Variants in NAPB observed in about 807,000 individuals in gnomAD.
NAPB encodes NSF attachment protein beta, also known as beta-soluble NSF attachment protein.
NAPB carries 26 observed loss-of-function variants against 44.7 expected under a neutral mutation model. That is an observed-to-expected ratio of 0.58 (90% CI 0.43 to 0.81). NAPB has a LOEUF of 0.81. Ranked by LOEUF, NAPB falls within the 30% of genes least tolerant of loss-of-function variation. The probability of loss-of-function intolerance (pLI) is 0.00; values close to 1 mark genes in which losing one functional copy is unlikely to be tolerated. For missense variants in NAPB, 315 were observed against 356.4 expected (o/e 0.88, Z 0.94); for synonymous variants, 120 against 116.8 (o/e 1.03, Z -0.18).
chr20:23,416,377 G>A (rs1986006465), intron 1 of NAPB, among the ~76,000 whole-genome samples: 2 of 152,060 alleles, frequency 1.3e-5, no homozygotes, highest in South Asian at 4.1e-4. Context: ...TTATAATAAA[G>A]TTATATAGCT....
At chr20:23,394,293 A>C (rs1185757278) in intron 5 of NAPB, among the ~76,000 whole-genome samples, 2 of 152,156 alleles carry the variant, frequency 1.3e-5, no homozygotes, top group African/African-American at 4.8e-5. Flanking sequence ...CAAGGTAGTG[A>C]GTTGTGCCAA....
At chr20:23,394,789 G>C (rs1984229976) in intron 5 of NAPB, 133 bp downstream of exon 5, 1 of 775,352 alleles carries the variant, frequency 1.3e-6, no homozygotes. Flanking sequence ...AGTAGACTTT[G>C]CCAGAAAGTC....
chr20:23,411,154 A>G (rs1985628090), intron 1 of NAPB, among the ~76,000 whole-genome samples: 1 of 152,208 alleles, frequency 6.6e-6, no homozygotes, highest in African/African-American at 2.4e-5. Flanking sequence ...CATTTTCACA[A>G]TCTGAGAAAA....
Position 23,421,458 on chromosome 20 carries a change from C to T in NAPB, c.-56G>A. Reference sequence around the variant, plus strand: ...AGCCGGCTCGCTGTGCGCCCAGGCGCCTTAACCCTCCCTCTGGCGGCCGCA... The same window carrying T: ...AGCCGGCTCGCTGTGCGCCCAGGCGTCTTAACCCTCCCTCTGGCGGCCGCA... On this transcript the variant is annotated 5_prime_UTR_variant, in exon 1 of 11. Coordinates refer to ENST00000377026, the MANE Select transcript of NAPB (RefSeq NM_022080.3). 8 of 1,472,566 alleles carry T rather than the reference C, an allele frequency of 5.4e-6. No homozygotes were observed. In the South Asian group the frequency reaches 7.5e-5, roughly 14 times the overall value. 91.2% of individuals were successfully genotyped at this position (1,472,566 alleles called of 1,614,324 possible). A position where few individuals can be genotyped will look rare whatever the true frequency, so the allele number is the denominator to read the frequency against.
intron 1 of NAPB, among the ~76,000 whole-genome samples, chr20:23,407,866 T>C (rs1985362261): frequency 6.6e-6 from 1 of 152,212 alleles, no homozygotes; most frequent in Admixed American, 6.5e-5. Context: ...AAAATCTTGA[T>C]TTCCCCCATC....
chr20:23,384,114 T>C lies in NAPB; in HGVS notation c.562-2797A>G, dbSNP rs148355283. On this transcript the variant is annotated intron_variant, in intron 7 of 10. Transcript: ENST00000377026. ...TTGAAAATACAGTATTCTTAGGAAT[T>C]CAACACCCATATAAATGAAAGGCAG... Among the ~76,000 whole-genome samples, 10 of 152,352 alleles carry C rather than the reference T, an allele frequency of 6.6e-5. No homozygotes were observed. In the East Asian group the frequency reaches 1.9e-3, roughly 29 times the overall value.
intron 2 of NAPB, among the ~76,000 whole-genome samples, chr20:23,401,927 A>G (rs1338865904): frequency 6.6e-6 from 1 of 152,206 alleles, no homozygotes; most frequent in Non-Finnish European, 1.5e-5. Flanking sequence ...TAAATAAGTA[A>G]GTAAGTGATC....
chr20:23,390,484 C>A (rs183668742), intron 5 of NAPB, among the ~76,000 whole-genome samples: 28 of 152,352 alleles, frequency 1.8e-4, no homozygotes, highest in Non-Finnish European at 3.2e-4. Context: ...ATGGCATATG[C>A]CCAGCTACAC....
intron 10 of NAPB, among the ~76,000 whole-genome samples, chr20:23,377,728 G>A (rs919762649): frequency 6.6e-5 from 10 of 151,986 alleles, no homozygotes; most frequent in Non-Finnish European, 1.2e-4. Flanking sequence ...GTTTTCAAAC[G>A]TGTAAGAAAA....
At chr20:23,394,170 G>A (rs1464954159) in intron 5 of NAPB, among the ~76,000 whole-genome samples, 1 of 152,174 alleles carries the variant, frequency 6.6e-6, no homozygotes, top group Non-Finnish European at 1.5e-5. Flanking sequence ...ATGCTTAGAA[G>A]GCTCACTCTG....
chr20:23,395,029 A>T (rs1328890014), intron 4 of NAPB, 30 bp from the exon 5 acceptor site: 1 of 1,613,436 alleles, frequency 6.2e-7, no homozygotes, highest in Non-Finnish European at 8.5e-7. Flanking sequence ...ACAGTCACAC[A>T]CCGATTTTAC....
At chr20:23,394,653 T>C (rs1278244057) in intron 5 of NAPB, among the ~76,000 whole-genome samples, 1 of 152,234 alleles carries the variant, frequency 6.6e-6, no homozygotes, top group African/African-American at 2.4e-5. Context: ...AAGGTTCTTT[T>C]GGCAATGCTA....
intron 1 of NAPB, among the ~76,000 whole-genome samples, chr20:23,403,666 A>C (rs1328860764): frequency 2.0e-5 from 3 of 151,900 alleles, no homozygotes; most frequent in African/African-American, 7.3e-5. Context: ...TTACAAACTG[A>C]AGATGTTATT....
chr20:23,377,456 C>T lies in NAPB; in HGVS notation c.817G>A (p.Asp273Asn). ...AGCAACATGGTGGTCAGCCACTGAT[C>T]CAAGCGAGATATTGAGTCAAATTCC... ...VKEFDSISRL[D>N]QWLTTMLLRI... Residue 273 changes from aspartate to asparagine, a missense_variant, in exon 11 of 11, where the codon GAT (aspartate) becomes AAT (asparagine). This residue lies in a region of NAPB where 120 missense variants were observed against 130.5 expected (regional missense o/e 0.92). Coordinates refer to ENST00000377026, the MANE Select transcript of NAPB (RefSeq NM_022080.3). 1 of 1,604,628 alleles carries T rather than the reference C, an allele frequency of 6.2e-7. No individual in the cohort carries two copies.
At chr20:23,378,826 C>CTTTTT (rs202043703) in intron 10 of NAPB, 8 of 95,686 alleles carry the variant, frequency 8.4e-5, no homozygotes, top group African/African-American at 2.5e-4. Flanking sequence ...TTTTTTTTTT[C>CTTTTT]TTTTTTTTTT....
At chr20:23,390,366 A>G in intron 5 of NAPB, 102 bp from the exon 6 acceptor site, 1 of 962,262 alleles carries the variant, frequency 1.0e-6, no homozygotes, top group Non-Finnish European at 1.6e-6. Flanking sequence ...CTACTCTACC[A>G]GCAAACTTTT....
At chr20:23,399,403 G>T (rs140153483) in intron 2 of NAPB, among the ~76,000 whole-genome samples, 2 of 152,172 alleles carry the variant, frequency 1.3e-5, no homozygotes, top group Non-Finnish European at 2.9e-5. Context: ...CTTCCACCAC[G>T]TGAGGACATA....
At chr20:23,407,567 C>T (rs1364056417) in intron 1 of NAPB, among the ~76,000 whole-genome samples, 1 of 151,998 alleles carries the variant, frequency 6.6e-6, no homozygotes, top group Non-Finnish European at 1.5e-5. Flanking sequence ...AGGTGAACCA[C>T]CCTTGCATTC....
intron 3 of NAPB, among the ~76,000 whole-genome samples, chr20:23,395,816 T>A (rs915523815): frequency 6.6e-6 from 1 of 152,146 alleles, no homozygotes; most frequent in East Asian, 1.9e-4. Flanking sequence ...AGCCAAAAAA[T>A]TTTCCCTATC....
Sources: gnomAD v4.1 joint callset for allele counts (sites outside exome capture counted in the v4.1 genomes callset) on GRCh38, gnomAD v4.1.1 for gene constraint, gnomAD v4.1.1 regional missense constraint, MANE v1.5 for transcripts, NCBI Gene and HGNC (gene_info 2026-07-23, HGNC 2026-07-21) for gene names.